DLGAP4: variants seen among roughly 807,000 people sequenced by gnomAD.
The protein encoded by DLGAP4 is disks large-associated protein 4.
In DLGAP4, 18 loss-of-function variants were observed where a neutral mutation model predicts 86.9. That is an observed-to-expected ratio of 0.21 (90% confidence interval 0.14 to 0.31). The LOEUF is 0.31. DLGAP4 is among the 10% of genes least tolerant of loss of function. The pLI, the probability that DLGAP4 is intolerant of heterozygous loss-of-function variation, is 1.00. For missense variants in DLGAP4, 1,085 were observed against 1,362.6 expected (o/e 0.80, Z 3.21); for synonymous variants, 548 against 574.3 (o/e 0.95, Z 0.65).
intron 1 of DLGAP4, among the ~76,000 whole-genome samples, chr20:36,338,451 A>T (rs2065344418): frequency 6.6e-6 from 1 of 152,208 alleles, no homozygotes; most frequent in African/African-American, 2.4e-5. Flanking sequence ...GCATGCCTGT[A>T]ATCCCAGCTA....
intron 1 of DLGAP4, among the ~76,000 whole-genome samples, chr20:36,311,789 G>C (rs1262892555): frequency 1.3e-5 from 2 of 152,320 alleles, no homozygotes; most frequent in African/African-American, 4.8e-5. Flanking sequence ...TGGACGAAAG[G>C]CTCCCTCCCC....
intron 2 of DLGAP4, among the ~76,000 whole-genome samples, chr20:36,399,929 G>T (rs1298172619): frequency 6.6e-6 from 1 of 152,210 alleles, no homozygotes; most frequent in Non-Finnish European, 1.5e-5. Context: ...CTGAGCAGGG[G>T]CTACTAGCTT....
At chr20:36,461,730 TGTCCGTCCGTCCGTCC>T (rs1173276013) in intron 7 of DLGAP4, 3 of 854,952 alleles carry the variant, frequency 3.5e-6, no homozygotes, top group South Asian at 5.7e-5. Flanking sequence ...CCTCCCCGTC[TGTCCGTCCGTCCGTCC>T]GTCCGCCCGC....
At chr20:36,426,459 G>T (rs1281528649) in intron 2 of DLGAP4, among the ~76,000 whole-genome samples, 1 of 152,006 alleles carries the variant, frequency 6.6e-6, no homozygotes, top group Non-Finnish European at 1.5e-5. Context: ...AGGTTGCAGT[G>T]AGCCGAGATC....
rs998494471 is a variant in DLGAP4 at position 36,431,906 on chromosome 20, G to A, written c.189G>A (p.Gln63=). 8 of 1,614,112 alleles carry A rather than the reference G, an allele frequency of 5.0e-6. No homozygotes were observed. The highest frequency in any genetic ancestry group is 5.9e-6 in the Non-Finnish European group (7 of 1,179,986). The part of the protein sequence containing the change: ...PGDGLFPLNN[Q]LPPPSSTFPR... ...ATGGCCTCTTTCCCCTCAACAACCA[G>A]CTGCCCCCGCCCAGCAGCACCTTTC... is the stretch of plus-strand genomic sequence containing the variant. Residue 63 remains glutamine (Q), a synonymous_variant, in exon 3 of 13, where the codon CAG becomes CAA. Transcript: ENST00000339266. This position sits in a 1 kb window ranked among gnomAD's most constrained non-coding sequence, Gnocchi z 5.1.
rs2031859004 is a variant in DLGAP4 at position 36,393,758 on chromosome 20, A to T, written c.-73+26483A>T. On this transcript the variant is annotated intron_variant, in intron 2 of 12. Coordinates refer to ENST00000339266, the MANE Select transcript of DLGAP4 (RefSeq NM_001365621.2). The surrounding 1 kb of genome is among the most constrained non-coding windows in gnomAD (Gnocchi z 4.4). Reference sequence around the variant, plus strand: ...TAGCCATATTGTCTTGGAATTAGACATAGATTGGGGTCTTCATTGTTCAGA... The same window carrying T: ...TAGCCATATTGTCTTGGAATTAGACTTAGATTGGGGTCTTCATTGTTCAGA... Among the ~76,000 whole-genome samples the T allele has an allele frequency of 1.3e-5, 2 of 152,188 alleles. No homozygotes were observed. Among genetic ancestry groups the T allele is most frequent in the South Asian group, 4.1e-4 (2 of 4,832 alleles).
At chr20:36,388,677 C>G (rs1355421240) in intron 2 of DLGAP4, among the ~76,000 whole-genome samples, 1 of 152,160 alleles carries the variant, frequency 6.6e-6, no homozygotes, top group Admixed American at 6.5e-5. Flanking sequence ...CTCTGTGCCT[C>G]ATTTGTTAAA....
Position 36,524,333 on chromosome 20 carries a change from C to G in DLGAP4, c.2596C>G (p.Gln866Glu). The G allele has an allele frequency of 6.2e-7, 1 of 1,612,600 alleles. No homozygotes were observed. Among genetic ancestry groups the G allele is most frequent in the Non-Finnish European group, 8.5e-7 (1 of 1,179,234 alleles). Residue 866 changes from glutamine (Q) to glutamate (E), a missense_variant, in exon 11 of 13, where the codon CAA becomes GAA. By Grantham distance (29) the Gln-to-Glu change is conservative (BLOSUM62 2). Coordinates refer to ENST00000339266, the MANE Select transcript of DLGAP4 (RefSeq NM_001365621.2). The stretch of plus-strand genomic sequence containing the variant: ...CCAGCAGTTCCGGGGCCTCTGTGAG[C>G]AAAACTTGGTGAGTGTGATTCTCCT... ...KFQQFRGLCE[Q>E]NLNPDANPRP...
chr20:36,524,125 C>A (rs2037553816), intron 10 of DLGAP4, 125 bp from the exon 11 acceptor site: 2 of 761,964 alleles, frequency 2.6e-6, no homozygotes, highest in Non-Finnish European at 4.6e-6. Flanking sequence ...AAAATGAAGA[C>A]CACCGCCATC....
At position 36,359,046 on chromosome 20, in the gene DLGAP4, G is replaced by A. The variant is rs139913217; in HGVS notation, c.-303-7999G>A. 6.8e-3 allele frequency among the ~76,000 whole-genome samples: 1,043 copies of A among 152,316 alleles called. 16 individuals carry two copies. Among genetic ancestry groups the A allele is most frequent in the African/African-American group, 0.024 (998 of 41,562 alleles). On this transcript the variant is annotated intron_variant, in intron 1 of 12. Coordinates refer to ENST00000339266, the MANE Select transcript of DLGAP4 (RefSeq NM_001365621.2). ...AAGCTACCTGGCCCTGAGCTATCCA[G>A]TAGGGTAACCATGAGCCACATGTGG... is the stretch of plus-strand genomic sequence containing the variant.
chr20:36,389,276 A>G (rs2031708693), intron 2 of DLGAP4, among the ~76,000 whole-genome samples: 1 of 152,136 alleles, frequency 6.6e-6, no homozygotes, highest in Admixed American at 6.5e-5. Context: ...ACGTAGTTTT[A>G]TTCTGAGAGG....
intron 2 of DLGAP4, among the ~76,000 whole-genome samples, chr20:36,414,802 G>A (rs1043847827): frequency 4.6e-5 from 7 of 152,222 alleles, no homozygotes; most frequent in African/African-American, 7.2e-5. Context: ...TGGCCACTGG[G>A]CACTTGAAAT....
At chr20:36,400,081 A>C (rs2147481393) in intron 2 of DLGAP4, among the ~76,000 whole-genome samples, 1 of 152,214 alleles carries the variant, frequency 6.6e-6, no homozygotes, top group East Asian at 1.9e-4. Flanking sequence ...CAAACAAAAA[A>C]CCTGTTTGTA....
In DLGAP4 at chr20:36,524,312, C is replaced by A; in HGVS notation, c.2575C>A (p.Gln859Lys). Reference protein sequence around the residue: ...AQLLMSQKFQQFRGLCEQNLN... With the variant: ...AQLLMSQKFQKFRGLCEQNLN... ...GCTACTGATGTCCCAGAAATTCCAG[C>A]AGTTCCGGGGCCTCTGTGAGCAAAA... Residue 859 changes from glutamine to lysine, a missense_variant, in exon 11 of 13, where the codon CAG becomes AAG. Around this residue, in one of 2 missense-constraint regions of DLGAP4, gnomAD observed 1,082 missense variants for 1,344.1 expected, o/e 0.81. Coordinates refer to ENST00000339266, the MANE Select transcript of DLGAP4 (RefSeq NM_001365621.2). The A allele has an allele frequency of 6.2e-7, 1 of 1,613,896 alleles. No individual in the cohort carries two copies. Among genetic ancestry groups the A allele is most frequent in the Non-Finnish European group, 8.5e-7 (1 of 1,179,898 alleles).
chr20:36,411,854 T>A (rs1025497650), intron 2 of DLGAP4, among the ~76,000 whole-genome samples: 2 of 152,216 alleles, frequency 1.3e-5, no homozygotes, highest in South Asian at 2.1e-4. Context: ...TATCCCTTTT[T>A]ATGAAACGCT....
chr20:36,457,826 G>GAT (rs112534255), intron 7 of DLGAP4, among the ~76,000 whole-genome samples: 3,508 of 148,710 alleles, frequency 0.024, 154 homozygotes, highest in African/African-American at 0.083. Context: ...TTTTAGTAAA[G>GAT]GGGATTTCAC....
Position 36,526,910 on chromosome 20 carries a change from G to A in DLGAP4, c.2858G>A (p.Arg953His), listed in dbSNP as rs759731873. Residue 953 changes from arginine to histidine, a missense_variant, in exon 13 of 13, where the codon CGC becomes CAC. Arg to His is a conservative substitution (Grantham distance 29). This residue lies in a region of DLGAP4 where 1,082 missense variants were observed against 1,344.1 expected (regional missense o/e 0.81). Transcript: ENST00000339266. ...DKASDASDKQRQEARKRLLAA... is the reference protein window; with the variant it reads ...DKASDASDKQHQEARKRLLAA... The stretch of plus-strand genomic sequence containing the variant: ...GCCTCAGACGCCAGCGACAAGCAGC[G>A]CCAGGAGGCCCGCAAGAGACTCCTG... 6 of 1,613,444 alleles carry A rather than the reference G, an allele frequency of 3.7e-6. No homozygotes were observed. The highest frequency in any genetic ancestry group is 5.1e-6 in the Non-Finnish European group (6 of 1,179,834).
chr20:36,419,346 G>A (rs1390326443), intron 2 of DLGAP4, among the ~76,000 whole-genome samples: 9 of 151,584 alleles, frequency 5.9e-5, no homozygotes, highest in Admixed American at 5.9e-4. Flanking sequence ...GCCCAGGCTG[G>A]TTTTGAACTC....
At chr20:36,381,797 C>G (rs975279882) in intron 2 of DLGAP4, among the ~76,000 whole-genome samples, 1 of 152,164 alleles carries the variant, frequency 6.6e-6, no homozygotes, top group East Asian at 1.9e-4. Context: ...GTCTCATAAG[C>G]TCTTCTCCTC....
Sources: gnomAD v4.1 joint callset for allele counts (sites outside exome capture counted in the v4.1 genomes callset) on GRCh38, gnomAD v4.1.1 for gene constraint, gnomAD v4.1.1 regional missense constraint, Gnocchi (gnomAD v3.1) non-coding constraint, MANE v1.5 for transcripts, NCBI Gene and HGNC (gene_info 2026-07-23, HGNC 2026-07-21) for gene names.